Variants in CHCHD6 observed in about 807,000 individuals in gnomAD.
CHCHD6 encodes the protein coiled-coil-helix-coiled-coil-helix domain containing 6, also known as MICOS complex subunit MIC25.
In CHCHD6, 28 loss-of-function variants were observed where a neutral mutation model predicts 32.3. The ratio of observed to expected loss-of-function variants is 0.87; its 90% CI spans 0.64 to 1.19. The LOEUF (loss-of-function observed/expected upper bound fraction) is 1.19, where lower values mean the gene tolerates loss of function less well. Among genes scored for constraint, CHCHD6 ranks in the 50% most tolerant of loss-of-function variants. The pLI, the probability that CHCHD6 is intolerant of heterozygous loss-of-function variation, is 0.00. For missense variants in CHCHD6, 333 were observed against 307.0 expected (o/e 1.08, Z -0.63); for synonymous variants, 122 against 117.5 (o/e 1.04, Z -0.25).
At chr3:126,912,427 G>C (rs921004326) in intron 5 of CHCHD6, among the ~76,000 whole-genome samples, 27 of 152,192 alleles carry the variant, frequency 1.8e-4, no homozygotes, top group Non-Finnish European at 3.4e-4. Flanking sequence ...GAACACTGGA[G>C]CCCCCTTGCT....
intron 4 of CHCHD6, among the ~76,000 whole-genome samples, chr3:126,799,133 C>T (rs965832806): frequency 6.6e-6 from 1 of 152,176 alleles, no homozygotes; most frequent in Non-Finnish European, 1.5e-5. Context: ...TCCTTAAAGG[C>T]AGAGTCTGTG....
intron 4 of CHCHD6, among the ~76,000 whole-genome samples, chr3:126,804,789 C>CAAA (rs1199766841): frequency 1.3e-5 from 2 of 152,014 alleles, no homozygotes; most frequent in Non-Finnish European, 2.9e-5. Flanking sequence ...AACATTGATG[C>CAAA]AAAAATCCTC....
intron 4 of CHCHD6, among the ~76,000 whole-genome samples, chr3:126,808,248 G>C (rs1939503180): frequency 6.6e-6 from 1 of 152,166 alleles, no homozygotes; most frequent in African/African-American, 2.4e-5. Context: ...TGCCTCATCA[G>C]AGTGAGAAAG....
chr3:126,734,456 G>T (rs940576314), intron 4 of CHCHD6, among the ~76,000 whole-genome samples: 1 of 152,222 alleles, frequency 6.6e-6, no homozygotes, highest in African/African-American at 2.4e-5. Flanking sequence ...GTGCTCTCCT[G>T]GGAGGCCAGA....
chr3:126,791,573 T>C (rs1938545168), intron 4 of CHCHD6, among the ~76,000 whole-genome samples: 1 of 152,252 alleles, frequency 6.6e-6, no homozygotes, highest in Non-Finnish European at 1.5e-5. Flanking sequence ...GATCTCAAAC[T>C]GCTGTGCTAA....
chr3:126,815,296 C>G (rs1438020454), intron 4 of CHCHD6, among the ~76,000 whole-genome samples: 9 of 152,194 alleles, frequency 5.9e-5, no homozygotes, highest in African/African-American at 2.2e-4. Context: ...CAGTGGATGT[C>G]TCTCTGAGCA....
rs537252731 is a variant in CHCHD6 at position 126,743,518 on chromosome 3, G to A, written c.411+10296G>A. Among the ~76,000 whole-genome samples, 5 of 152,062 alleles carry A rather than the reference G, an allele frequency of 3.3e-5. No individual in the cohort carries two copies. The South Asian group carries it at 1.0e-3, about 32-fold the overall frequency. On this transcript the variant is annotated intron_variant, in intron 4 of 7. Coordinates refer to ENST00000290913, the MANE Select transcript of CHCHD6 (RefSeq NM_032343.3). ...TGTCACTGCTTCTAATTAGCAGATCGCATGTCTCTGAAAATGTCTGTTAGC... is the reference window on the plus strand; with the variant it reads ...TGTCACTGCTTCTAATTAGCAGATCACATGTCTCTGAAAATGTCTGTTAGC...
intron 4 of CHCHD6, among the ~76,000 whole-genome samples, chr3:126,776,560 G>GTTTA (rs1165070751): frequency 6.6e-6 from 1 of 152,152 alleles, no homozygotes; most frequent in East Asian, 1.9e-4. Flanking sequence ...TTGGGACCAT[G>GTTTA]TTTATCTTAG....
chr3:126,763,176 C>T (rs940162647), intron 4 of CHCHD6, among the ~76,000 whole-genome samples: 4 of 151,850 alleles, frequency 2.6e-5, no homozygotes, highest in Non-Finnish European at 5.9e-5. Flanking sequence ...TCTTCCTTTC[C>T]TTTCCTTTCT....
In CHCHD6 at chr3:126,724,614, G is replaced by C. The variant is rs192432533; in HGVS notation, c.88-2464G>C. ...AGACAACAATGAAGTTTGCCACATC[G>C]ATCAACTCTTCCTTTCACAAAAGAT... is the stretch of plus-strand genomic sequence containing the variant. On this transcript the variant is annotated intron_variant, in intron 1 of 7. Transcript: ENST00000290913. 6.6e-3 allele frequency among the ~76,000 whole-genome samples: 998 copies of C among 152,186 alleles called. 10 individuals are homozygous for C. Among genetic ancestry groups the C allele is most frequent in the South Asian group, 9.9e-3 (48 of 4,828 alleles).
chr3:126,872,063 G>T (rs1239840077), intron 5 of CHCHD6, among the ~76,000 whole-genome samples: 2 of 152,138 alleles, frequency 1.3e-5, no homozygotes, highest in Non-Finnish European at 2.9e-5. Flanking sequence ...GGGTGTGGTG[G>T]CTCTCAACCA....
At chr3:126,880,061 T>G (rs755609246) in intron 5 of CHCHD6, among the ~76,000 whole-genome samples, 12 of 152,148 alleles carry the variant, frequency 7.9e-5, no homozygotes, top group Non-Finnish European at 7.4e-5. Flanking sequence ...AAGATTTAAG[T>G]GTAAGGAAAA....
intron 4 of CHCHD6, among the ~76,000 whole-genome samples, chr3:126,781,437 G>A (rs1194689377): frequency 5.9e-5 from 9 of 152,202 alleles, no homozygotes; most frequent in African/African-American, 2.2e-4. Flanking sequence ...GATCCCTGAA[G>A]TTTTTTCTTT....
rs182538515 is a variant in CHCHD6, at chr3:126,711,706, G to A, written c.87+7307G>A. 2.8e-4 allele frequency among the ~76,000 whole-genome samples: 42 copies of A among 152,318 alleles called. 1 individual carries two copies. The highest frequency in any genetic ancestry group is 7.9e-4 in the African/African-American group (33 of 41,572). ...AGCATAGACACCACGAAGGGGTTGC[G>A]TTATAGATCGTCTCTGGTCTTCCAC... On this transcript the variant is annotated intron_variant, in intron 1 of 7. Coordinates refer to ENST00000290913, the MANE Select transcript of CHCHD6 (RefSeq NM_032343.3).
Position 126,704,307 on chromosome 3 carries a change from C to G in CHCHD6, c.-6C>G, listed in dbSNP as rs368488136. On this transcript the variant is annotated 5_prime_UTR_variant, in exon 1 of 8. In the 5' UTR this introduces an upstream ATG that the reference lacks. Coordinates refer to ENST00000290913, the MANE Select transcript of CHCHD6 (RefSeq NM_032343.3). ...CTGGTGGCTGCCGGCCCTGCGGCAT[C>G]TCGCCATGGGGAGCACGGAGAGCAG... The G allele has an allele frequency of 1.2e-6, 2 of 1,603,456 alleles. No individual in the cohort carries two copies. The highest frequency in any genetic ancestry group is 1.7e-6 in the Non-Finnish European group (2 of 1,177,366).
chr3:126,845,507 A>G (rs932738173), intron 4 of CHCHD6, among the ~76,000 whole-genome samples: 15 of 151,912 alleles, frequency 9.9e-5, no homozygotes, highest in African/African-American at 3.4e-4. Context: ...TCGTCAATCA[A>G]CTCCAGAGAA....
At chr3:126,929,190 C>T (rs573464255) in intron 6 of CHCHD6, among the ~76,000 whole-genome samples, 8 of 152,214 alleles carry the variant, frequency 5.3e-5, no homozygotes, top group Non-Finnish European at 1.0e-4. Context: ...GTGAAGCAGA[C>T]ACCTGACTTG....
chr3:126,770,635 TA>T (rs1937526520), intron 4 of CHCHD6, among the ~76,000 whole-genome samples: 1 of 152,234 alleles, frequency 6.6e-6, no homozygotes, highest in Non-Finnish European at 1.5e-5. Flanking sequence ...CATTTATTGA[TA>T]TGCGTATGTT....
intron 1 of CHCHD6, among the ~76,000 whole-genome samples, chr3:126,722,412 C>G (rs750452513): frequency 5.3e-5 from 8 of 152,170 alleles, no homozygotes; most frequent in African/African-American, 1.9e-4. Context: ...ATCCTTTTGC[C>G]TCGGCCCTCC....
Sources: gnomAD v4.1 joint callset for allele counts (sites outside exome capture counted in the v4.1 genomes callset) on GRCh38, gnomAD v4.1.1 for gene constraint, MANE v1.5 for transcripts, NCBI Gene and HGNC (gene_info 2026-07-23, HGNC 2026-07-21) for gene names.